SUSD5: variants seen among roughly 807,000 people sequenced by gnomAD.
SUSD5 encodes sushi domain-containing protein 5.
Under a neutral mutation model 29.5 loss-of-function variants are expected in SUSD5, and 33 were observed. The observed-to-expected ratio is 1.12, with a 90% CI of 0.85 to 1.49. The LOEUF (loss-of-function observed/expected upper bound fraction) is 1.49, where lower values mean the gene tolerates loss of function less well. SUSD5 is among the 40% of genes most tolerant of loss of function. The pLI, the probability that SUSD5 is intolerant of heterozygous loss-of-function variation, is 0.00. For synonymous variants in SUSD5, 308 were observed against 325.3 expected (o/e 0.95, Z 0.57); for missense variants, 776 against 800.6 (o/e 0.97, Z 0.37).
chr3:33,175,665 ATT>A (rs962629567), intron 3 of SUSD5, among the ~76,000 whole-genome samples: 1 of 152,080 alleles, frequency 6.6e-6, no homozygotes, highest in Non-Finnish European at 1.5e-5. Flanking sequence ...CGTATGTATT[ATT>A]GAGTACCCTG....
chr3:33,156,985 C>T (rs1377013995), intron 4 of SUSD5, among the ~76,000 whole-genome samples: 4 of 152,224 alleles, frequency 2.6e-5, no homozygotes, highest in African/African-American at 4.8e-5. Context: ...AGCCCAATCA[C>T]ACCCCATTGT....
chr3:33,197,384 G>C (rs555437381), intron 3 of SUSD5, among the ~76,000 whole-genome samples: 1 of 152,108 alleles, frequency 6.6e-6, no homozygotes, highest in Non-Finnish European at 1.5e-5. Flanking sequence ...GGGAACACTC[G>C]GGAAAAACAC....
At chr3:33,209,563 CCTTTT>C (rs1427542007) in intron 2 of SUSD5, among the ~76,000 whole-genome samples, 1 of 151,046 alleles carries the variant, frequency 6.6e-6, no homozygotes, top group East Asian at 1.9e-4. Context: ...CCTTTCCTTT[CCTTTT>C]CTTTCTTTCT....
At position 33,207,985 on chromosome 3, in the gene SUSD5, A is replaced by G. The variant is rs149832618; in HGVS notation, c.291-59T>C. 5.8e-5 allele frequency: 75 copies of G among 1,297,986 alleles called. No individual in the cohort carries two copies. The East Asian group carries it at 1.7e-3, about 30-fold the overall frequency. 80.4% of individuals were successfully genotyped at this position (1,297,986 alleles called of 1,614,324 possible). ...AACTCTGGGTTGAAAATAATAAGGA[A>G]TAATTCTCTTCTGCTGTCAGCTCCG... On this transcript the variant is annotated intron_variant, in intron 2 of 4. Coordinates refer to ENST00000309558, the MANE Select transcript of SUSD5 (RefSeq NM_015551.2).
chr3:33,173,208 C>T (rs1315394152), intron 4 of SUSD5, among the ~76,000 whole-genome samples: 3 of 152,206 alleles, frequency 2.0e-5, no homozygotes, highest in African/African-American at 7.2e-5. Context: ...ACAGAGCTGT[C>T]ACCAGACTGG....
At chr3:33,200,428 C>G (rs1345409185) in intron 3 of SUSD5, among the ~76,000 whole-genome samples, 1 of 152,138 alleles carries the variant, frequency 6.6e-6, no homozygotes, top group African/African-American at 2.4e-5. Flanking sequence ...CAGGTAGAAG[C>G]TAGAAAAGTT....
intron 3 of SUSD5, 27 bp downstream of exon 3, chr3:33,207,781 C>G: frequency 6.6e-7 from 1 of 1,513,450 alleles, no homozygotes; most frequent in Non-Finnish European, 9.1e-7. Context: ...CACCCTCCAG[C>G]ACCTTTAAGA....
At position 33,153,343 on chromosome 3, in the gene SUSD5, C is replaced by G; in HGVS notation, c.1289G>C (p.Gly430Ala). The G allele has an allele frequency of 6.2e-7, 1 of 1,613,864 alleles. No individual in the cohort carries two copies. The highest frequency in any genetic ancestry group is 8.5e-7 in the Non-Finnish European group (1 of 1,179,852). ...PKSSTLTPSEGMTHSSVLPSQ... is the reference protein window; with the variant it reads ...PKSSTLTPSEAMTHSSVLPSQ... ...TGGAAGAACTGAACTATGGGTCATG[C>G]CCTCGCTTGGTGTGAGGGTGCTACT... The change falls in exon 5 of 5, where the codon GGC becomes GCC. Residue 430 changes from glycine (G) to alanine (A), a missense_variant. Physicochemically the swap from Gly to Ala is moderately conservative, Grantham distance 60. Transcript: ENST00000309558.
At position 33,169,661 on chromosome 3, in the gene SUSD5, A is replaced by G. The variant is rs201943376; in HGVS notation, c.598+5225T>C. Reference sequence around the variant, plus strand: ...TTGGTTTATAACAGCTTTGTTCTCAATGCCTAACTGGGCAATGTGTCTTGT... The same window carrying G: ...TTGGTTTATAACAGCTTTGTTCTCAGTGCCTAACTGGGCAATGTGTCTTGT... On this transcript the variant is annotated intron_variant, in intron 4 of 4. Coordinates refer to ENST00000309558, the MANE Select transcript of SUSD5 (RefSeq NM_015551.2). Among the ~76,000 whole-genome samples the G allele has an allele frequency of 3.3e-5, 5 of 152,226 alleles. No homozygotes were observed. The East Asian group carries it at 7.7e-4, about 23-fold the overall frequency.
intron 3 of SUSD5, among the ~76,000 whole-genome samples, chr3:33,188,115 T>C (rs2031817198): frequency 6.6e-6 from 1 of 152,198 alleles, no homozygotes; most frequent in South Asian, 2.1e-4. Context: ...CATTTTTCAA[T>C]TTAAAAGGGC....
chr3:33,200,550 G>A (rs1362247840), intron 3 of SUSD5, among the ~76,000 whole-genome samples: 1 of 152,170 alleles, frequency 6.6e-6, no homozygotes. Context: ...ACCAGGCTGG[G>A]TAGCCATGTC....
At chr3:33,205,093 G>T (rs542826595) in intron 3 of SUSD5, among the ~76,000 whole-genome samples, 1 of 151,890 alleles carries the variant, frequency 6.6e-6, no homozygotes, top group Non-Finnish European at 1.5e-5. Flanking sequence ...TACATATGAC[G>T]TCCCTTTGTC....
intron 3 of SUSD5, among the ~76,000 whole-genome samples, chr3:33,192,814 C>CA (rs575178720): frequency 7.7e-6 from 1 of 129,112 alleles, no homozygotes; most frequent in Non-Finnish European, 1.7e-5. Flanking sequence ...GAGACTCTGT[C>CA]AAAAAATATA....
At chr3:33,170,681 C>G (rs1398943056) in intron 4 of SUSD5, among the ~76,000 whole-genome samples, 2 of 152,238 alleles carry the variant, frequency 1.3e-5, no homozygotes, top group Non-Finnish European at 2.9e-5. Context: ...AGTCTGAAAG[C>G]CACACTGGCC....
intron 2 of SUSD5, among the ~76,000 whole-genome samples, chr3:33,208,832 T>C (rs987046301): frequency 5.9e-5 from 9 of 152,360 alleles, no homozygotes; most frequent in Non-Finnish European, 5.9e-5. Context: ...TTCCCACTTA[T>C]ATAAATCATT....
chr3:33,216,758 C>T (rs1241824936), intron 1 of SUSD5, among the ~76,000 whole-genome samples: 1 of 152,116 alleles, frequency 6.6e-6, no homozygotes, highest in African/African-American at 2.4e-5. Context: ...CTTCTTCTTC[C>T]TCCCGTCACC....
In SUSD5 at chr3:33,153,509, G is replaced by T; in HGVS notation, c.1123C>A (p.Pro375Thr). Residue 375 changes from proline (P) to threonine (T), a missense_variant, in exon 5 of 5, where the codon CCT becomes ACT. By Grantham distance (38) the Pro-to-Thr change is conservative. Transcript: ENST00000309558. ...TTCCTCCAAGCCCCCTCTGTCACAG[G>T]GTAGCCATCTAACCAGGACTCATCA... ...SSDESWLDGY[P>T]VTEGAWRKTE... The T allele has an allele frequency of 3.1e-6, 5 of 1,613,948 alleles. No individual in the cohort carries two copies. The highest frequency in any genetic ancestry group is 3.4e-6 in the Non-Finnish European group (4 of 1,179,964).
rs578235534 is a variant in SUSD5, at chr3:33,172,089, G to T, written c.598+2797C>A. On this transcript the variant is annotated intron_variant, in intron 4 of 4. Coordinates refer to ENST00000309558, the MANE Select transcript of SUSD5 (RefSeq NM_015551.2). ...AAGAGTGATTATCCAAACCCAGATG[G>T]ATCCAATTCCAAAATCCTTGTTTGA... 5.3e-5 allele frequency among the ~76,000 whole-genome samples: 8 copies of T among 152,040 alleles called. No homozygotes were observed. In the South Asian group the frequency reaches 1.7e-3, roughly 32 times the overall value.
chr3:33,171,865 C>A (rs753983155), intron 4 of SUSD5, among the ~76,000 whole-genome samples: 2 of 152,200 alleles, frequency 1.3e-5, no homozygotes, highest in Non-Finnish European at 2.9e-5. Context: ...TAAAACGTCA[C>A]CTTCTGTGAC....
Sources: gnomAD v4.1 joint callset for allele counts (sites outside exome capture counted in the v4.1 genomes callset) on GRCh38, gnomAD v4.1.1 for gene constraint, MANE v1.5 for transcripts, NCBI Gene and HGNC (gene_info 2026-07-23, HGNC 2026-07-21) for gene names.